VIPR2: variants seen among roughly 807,000 people sequenced by gnomAD.
The protein encoded by VIPR2 is vasoactive intestinal polypeptide receptor 2.
In VIPR2, 48 loss-of-function variants were observed where a neutral mutation model predicts 58.0. The ratio of observed to expected loss-of-function variants is 0.83; its 90% CI spans 0.66 to 1.05. The LOEUF is 1.05. VIPR2 is among the 50% of genes least tolerant of loss of function. The probability of loss-of-function intolerance (pLI) is 0.00; values close to 1 mark genes in which losing one functional copy is unlikely to be tolerated. For missense variants in VIPR2, 534 were observed against 558.0 expected (o/e 0.96, Z 0.43); for synonymous variants, 243 against 235.2 (o/e 1.03, Z -0.30).
chr7:159,066,365 C>G (rs1328667633), intron 4 of VIPR2, among the ~76,000 whole-genome samples: 1 of 144,542 alleles, frequency 6.9e-6, no homozygotes, highest in African/African-American at 2.7e-5. Context: ...TGCCTGTTCC[C>G]ACACCATCCG....
intron 5 of VIPR2, among the ~76,000 whole-genome samples, chr7:159,057,443 T>C (rs945169633): frequency 1.3e-5 from 2 of 152,212 alleles, no homozygotes; most frequent in African/African-American, 4.8e-5. Context: ...ATAAAAAGCA[T>C]AGCTCAATTA....
chr7:159,067,093 C>T (rs570200372), intron 4 of VIPR2, among the ~76,000 whole-genome samples: 4 of 152,318 alleles, frequency 2.6e-5, no homozygotes, highest in South Asian at 2.1e-4. Flanking sequence ...TTGGTGCTCA[C>T]GGTCACATGT....
At chr7:159,088,222 T>C (rs1450263595) in intron 4 of VIPR2, among the ~76,000 whole-genome samples, 1 of 152,234 alleles carries the variant, frequency 6.6e-6, no homozygotes, top group East Asian at 1.9e-4. Flanking sequence ...AGCCAGCATC[T>C]GCAGCAGCAC....
intron 3 of VIPR2, among the ~76,000 whole-genome samples, chr7:159,108,325 G>A (rs1352592481): frequency 3.3e-5 from 5 of 152,176 alleles, no homozygotes; most frequent in African/African-American, 7.2e-5. Flanking sequence ...AATTCCATGC[G>A]GACATTCCAT....
At chr7:159,103,892 A>G in intron 3 of VIPR2, 38 bp from the exon 4 acceptor site, 3 of 1,578,524 alleles carry the variant, frequency 1.9e-6, no homozygotes, top group Non-Finnish European at 2.6e-6. Flanking sequence ...CTGCAAGTCC[A>G]TGAAAACTGG....
chr7:159,081,499 TAAAACCATA>T (rs1856897964), intron 4 of VIPR2, among the ~76,000 whole-genome samples: 1 of 152,204 alleles, frequency 6.6e-6, no homozygotes, highest in African/African-American at 2.4e-5. Context: ...ATGTTAGACC[TAAAACCATA>T]AAAATGCTAG....
chr7:159,120,264 A>G (rs972501669), intron 2 of VIPR2, among the ~76,000 whole-genome samples: 5 of 152,326 alleles, frequency 3.3e-5, no homozygotes, highest in Admixed American at 2.0e-4. Flanking sequence ...TTAAATAAGG[A>G]GCAGCCTTCT....
chr7:159,142,426 T>C lies in VIPR2; in HGVS notation c.151+20A>G. On this transcript the variant is annotated intron_variant, in intron 2 of 12. Coordinates refer to ENST00000262178, the MANE Select transcript of VIPR2 (RefSeq NM_003382.5). Reference sequence around the variant, plus strand: ...GTGAGAATGTCACGGGAGTTCTTACTCACCAAGCCTCTGCCTTACCTTTGT... The same window carrying C: ...GTGAGAATGTCACGGGAGTTCTTACCCACCAAGCCTCTGCCTTACCTTTGT... 6.2e-7 allele frequency: 1 copy of C among 1,600,388 alleles called. No individual in the cohort carries two copies. The highest frequency in any genetic ancestry group is 8.6e-7 in the Non-Finnish European group (1 of 1,168,644).
At chr7:159,115,102 T>G (rs1289370419) in intron 2 of VIPR2, among the ~76,000 whole-genome samples, 2 of 152,172 alleles carry the variant, frequency 1.3e-5, no homozygotes, top group Non-Finnish European at 2.9e-5. Flanking sequence ...GAAAGCTAAT[T>G]AAAAGGAGAT....
rs545069084 is a variant in VIPR2 at position 159,091,560 on chromosome 7, G to C, written c.357+12197C>G. Among the ~76,000 whole-genome samples, 140 of 152,364 alleles carry C rather than the reference G, an allele frequency of 9.2e-4. 1 individual carries two copies. Among genetic ancestry groups the C allele is most frequent in the African/African-American group, 3.1e-3 (127 of 41,586 alleles). Reference sequence around the variant, plus strand: ...CTCCTTGCCTGCTTTGCACATGCCTGCCTCGCAGGGGGCCCAGGGAAAGCC... The same window carrying C: ...CTCCTTGCCTGCTTTGCACATGCCTCCCTCGCAGGGGGCCCAGGGAAAGCC... On this transcript the variant is annotated intron_variant, in intron 4 of 12. Transcript: ENST00000262178.
At position 159,043,119 on chromosome 7, in the gene VIPR2, C is replaced by A. The variant is rs1382962307; in HGVS notation, c.513G>T (p.Leu171=). The change falls in exon 6 of 13, where the codon CTG becomes CTT. Residue 171 remains leucine, a synonymous_variant. Coordinates refer to ENST00000262178, the MANE Select transcript of VIPR2 (RefSeq NM_003382.5). ...CCTTGACCAGCACTGAGATGGCTCT[C>A]AGGATGAAGGACAGGAACAGGTTCA... ...IHLNLFLSFI[L]RAISVLVKDD... The A allele has an allele frequency of 1.9e-6, 3 of 1,613,414 alleles. No individual in the cohort carries two copies. In the African/African-American group the frequency reaches 4.0e-5, roughly 22 times the overall value.
At position 159,034,573 on chromosome 7, in the gene VIPR2, C is replaced by A. The variant is rs991166657; in HGVS notation, c.879+8G>T. ...CAGATAATCCACATGTCAACAGGGA[C>A]TACTTACGATGATGGAAATTAAAAT... On this transcript the variant is annotated splice_region_variant and intron_variant, in intron 9 of 12. Transcript: ENST00000262178. The A allele has an allele frequency of 1.9e-6, 3 of 1,612,214 alleles. No homozygotes were observed. The highest frequency in any genetic ancestry group is 1.7e-6 in the Non-Finnish European group (2 of 1,178,444).
intron 2 of VIPR2, among the ~76,000 whole-genome samples, chr7:159,116,591 T>G (rs1186004871): frequency 6.6e-6 from 1 of 152,208 alleles, no homozygotes; most frequent in African/African-American, 2.4e-5. Context: ...AAAGACACTG[T>G]AGACTAAGTC....
chr7:159,051,755 A>G (rs1406796371), intron 5 of VIPR2, among the ~76,000 whole-genome samples: 3 of 152,216 alleles, frequency 2.0e-5, no homozygotes, highest in African/African-American at 4.8e-5. Flanking sequence ...GACAAAGCAG[A>G]TTTTTAAGGT....
chr7:159,131,028 G>A (rs1246870121), intron 2 of VIPR2, among the ~76,000 whole-genome samples: 1 of 152,176 alleles, frequency 6.6e-6, no homozygotes, highest in Non-Finnish European at 1.5e-5. Context: ...AGAATGCGCT[G>A]CCTCCGCCCA....
At chr7:159,118,466 C>T (rs1423691062) in intron 2 of VIPR2, among the ~76,000 whole-genome samples, 2 of 152,186 alleles carry the variant, frequency 1.3e-5, no homozygotes, top group South Asian at 2.1e-4. Context: ...GGGAGAACAG[C>T]GTGCTCAGCA....
At chr7:159,122,044 G>A (rs1054199938) in intron 2 of VIPR2, among the ~76,000 whole-genome samples, 5 of 152,238 alleles carry the variant, frequency 3.3e-5, no homozygotes, top group African/African-American at 7.2e-5. Context: ...GCTAGCAACC[G>A]CACAGGTGAT....
At chr7:159,033,602 T>C (rs1853724472) in intron 10 of VIPR2, among the ~76,000 whole-genome samples, 1 of 152,220 alleles carries the variant, frequency 6.6e-6, no homozygotes, top group African/African-American at 2.4e-5. Flanking sequence ...ACGTCTGCCC[T>C]GTCTTCATCT....
intron 4 of VIPR2, among the ~76,000 whole-genome samples, chr7:159,084,433 C>T (rs773801353): frequency 6.6e-6 from 1 of 152,226 alleles, no homozygotes; most frequent in Admixed American, 6.5e-5. Context: ...GGGCCCCTGG[C>T]GCAGCATTTC....
Sources: allele counts gnomAD v4.1 joint callset (sites outside exome capture counted in the v4.1 genomes callset), GRCh38; gene constraint gnomAD v4.1.1; transcripts MANE v1.5; gene names NCBI Gene and HGNC (gene_info 2026-07-23, HGNC 2026-07-21).